Variants in HS3ST4 observed in about 807,000 individuals in gnomAD.
HS3ST4 encodes the protein heparan sulfate glucosamine 3-O-sulfotransferase 4.
A neutral mutation model predicts 29.2 loss-of-function variants in HS3ST4; 17 were observed. The observed-to-expected ratio is 0.58, with a 90% CI of 0.40 to 0.87. HS3ST4 has a LOEUF of 0.87. Among genes scored for constraint, HS3ST4 ranks in the 40% least tolerant of loss-of-function variants. HS3ST4 has a pLI of 0.00. For synonymous variants in HS3ST4, 314 were observed against 285.7 expected (o/e 1.10, Z -1.00); for missense variants, 627 against 634.5 (o/e 0.99, Z 0.13).
chr16:25,697,153 G>A (rs1966303834), intron 1 of HS3ST4, among the ~76,000 whole-genome samples: 1 of 152,208 alleles, frequency 6.6e-6, no homozygotes, highest in South Asian at 2.1e-4. Flanking sequence ...GCCGTGCACT[G>A]TATTAGGTAC....
chr16:25,771,660 A>G (rs1430836274), intron 1 of HS3ST4, among the ~76,000 whole-genome samples: 3 of 151,990 alleles, frequency 2.0e-5, no homozygotes, highest in Admixed American at 1.3e-4. Context: ...TGCCCCATGT[A>G]GTTGTCAATT....
intron 1 of HS3ST4, among the ~76,000 whole-genome samples, chr16:25,728,148 C>A (rs567305054): frequency 6.6e-6 from 1 of 152,106 alleles, no homozygotes; most frequent in Admixed American, 6.5e-5. Context: ...ATTACAGGCA[C>A]GCGCCATCAC....
intron 1 of HS3ST4, among the ~76,000 whole-genome samples, chr16:25,798,198 C>T (rs1966899842): frequency 6.6e-6 from 1 of 152,176 alleles, no homozygotes; most frequent in Non-Finnish European, 1.5e-5. Flanking sequence ...TGCCGCAGAG[C>T]TTCTAGAAGG....
At chr16:25,904,199 AATGG>A (rs752387766) in intron 1 of HS3ST4, among the ~76,000 whole-genome samples, 2 of 145,748 alleles carry the variant, frequency 1.4e-5, no homozygotes, top group South Asian at 4.5e-4. Context: ...TGGACAGATG[AATGG>A]ATGGATGGAT....
intron 1 of HS3ST4, among the ~76,000 whole-genome samples, chr16:25,925,518 G>T (rs1033849233): frequency 3.9e-5 from 6 of 152,086 alleles, no homozygotes; most frequent in African/African-American, 1.4e-4. Flanking sequence ...ACCAAATGCA[G>T]CCCCAACTCT....
At chr16:25,896,468 G>A (rs1968066748) in intron 1 of HS3ST4, among the ~76,000 whole-genome samples, 1 of 152,194 alleles carries the variant, frequency 6.6e-6, no homozygotes, top group Non-Finnish European at 1.5e-5. Context: ...ACACCAGTCA[G>A]AATGGCTTTT....
intron 1 of HS3ST4, among the ~76,000 whole-genome samples, chr16:25,844,213 A>T (rs1967442804): frequency 6.6e-6 from 1 of 152,204 alleles, no homozygotes; most frequent in African/African-American, 2.4e-5. Context: ...CCATTTTTTA[A>T]TGCCTTAGTA....
intron 1 of HS3ST4, among the ~76,000 whole-genome samples, chr16:25,850,256 G>A (rs1254668973): frequency 6.6e-6 from 1 of 152,000 alleles, no homozygotes; most frequent in Non-Finnish European, 1.5e-5. Context: ...CCAAAGTGTT[G>A]GGATTACAGG....
At chr16:25,963,478 A>G (rs1167613261) in intron 1 of HS3ST4, among the ~76,000 whole-genome samples, 1 of 152,210 alleles carries the variant, frequency 6.6e-6, no homozygotes, top group Non-Finnish European at 1.5e-5. Context: ...AACTTCAGCC[A>G]GTTATTGGTA....
chr16:25,810,961 G>A (rs1362024478), intron 1 of HS3ST4, among the ~76,000 whole-genome samples: 1 of 152,178 alleles, frequency 6.6e-6, no homozygotes, highest in Non-Finnish European at 1.5e-5. Flanking sequence ...AATATCAGCT[G>A]TGTGACCAAA....
chr16:25,820,679 C>A (rs1596581198), intron 1 of HS3ST4, among the ~76,000 whole-genome samples: 1 of 152,102 alleles, frequency 6.6e-6, no homozygotes, highest in Non-Finnish European at 1.5e-5. Flanking sequence ...AAGAGATCTT[C>A]CTGCCTCAGC....
chr16:26,078,102 C>G (rs984338616), intron 1 of HS3ST4, among the ~76,000 whole-genome samples: 4 of 152,104 alleles, frequency 2.6e-5, no homozygotes, highest in Non-Finnish European at 5.9e-5. Context: ...GTCTGTGTCA[C>G]TGTGGGCTGG....
At chr16:26,088,065 T>TCTTCTGAGGTCCTGAGAGC (rs1382262554) in intron 1 of HS3ST4, among the ~76,000 whole-genome samples, 1 of 152,150 alleles carries the variant, frequency 6.6e-6, no homozygotes, top group Non-Finnish European at 1.5e-5. Flanking sequence ...GAGTGTGGCT[T>TCTTCTGAGGTCCTGAGAGC]CTTCTGAGGT....
chr16:25,975,895 T>G (rs1245301097), intron 1 of HS3ST4, among the ~76,000 whole-genome samples: 1 of 152,224 alleles, frequency 6.6e-6, no homozygotes, highest in Non-Finnish European at 1.5e-5. Flanking sequence ...TTACCAATTG[T>G]TGGACCCCCC....
intron 1 of HS3ST4, among the ~76,000 whole-genome samples, chr16:25,739,081 C>G (rs1014470458): frequency 6.6e-6 from 1 of 152,166 alleles, no homozygotes; most frequent in East Asian, 1.9e-4. Flanking sequence ...GTGGCTCATG[C>G]GTGTAATCCC....
At chr16:25,782,054 T>A (rs1280216112) in intron 1 of HS3ST4, among the ~76,000 whole-genome samples, 3 of 152,158 alleles carry the variant, frequency 2.0e-5, no homozygotes, top group Non-Finnish European at 4.4e-5. Context: ...TCGGGAAATT[T>A]ACAATCATGG....
chr16:25,788,522 A>AT (rs962087346), intron 1 of HS3ST4, among the ~76,000 whole-genome samples: 14 of 115,408 alleles, frequency 1.2e-4, no homozygotes, highest in East Asian at 4.7e-4. Context: ...ATCTTCCTAC[A>AT]TTTTTTTTTC....
chr16:25,737,240 G>A (rs1488337499), intron 1 of HS3ST4, among the ~76,000 whole-genome samples: 1 of 152,218 alleles, frequency 6.6e-6, no homozygotes, highest in Non-Finnish European at 1.5e-5. Context: ...ACATTTTGAT[G>A]TGCATGCTCA....
intron 1 of HS3ST4, among the ~76,000 whole-genome samples, chr16:25,779,174 A>G (rs761850842): frequency 6.6e-6 from 1 of 152,180 alleles, no homozygotes; most frequent in Non-Finnish European, 1.5e-5. Flanking sequence ...GTGGAGTTGG[A>G]TCCACCCAAA....
Sources: gnomAD v4.1 joint callset for allele counts (sites outside exome capture counted in the v4.1 genomes callset) on GRCh38, gnomAD v4.1.1 for gene constraint, MANE v1.5 for transcripts, NCBI Gene and HGNC (gene_info 2026-07-23, HGNC 2026-07-21) for gene names.